The following CHL1 variants were observed in gnomAD, a reference collection of about 807,000 sequenced individuals.
CHL1 encodes the protein cell adhesion molecule L1 like, also known as neural cell adhesion molecule L1-like protein.
In CHL1, 96 loss-of-function variants were observed where a neutral mutation model predicts 141.9. That is an observed-to-expected ratio of 0.68 (90% CI 0.57 to 0.80). CHL1 has a LOEUF of 0.80. Ranked by LOEUF, CHL1 falls within the 30% of genes least tolerant of loss-of-function variation. The probability of loss-of-function intolerance (pLI) is 0.00; values close to 1 mark genes in which losing one functional copy is unlikely to be tolerated. For synonymous variants in CHL1, 613 were observed against 502.2 expected, an observed-to-expected ratio of 1.22 and a Z score of -2.95; for missense variants, 1,820 against 1,457.2, an observed-to-expected ratio of 1.25 and a Z score of -4.05.
At chr3:234,652 G>A (rs532117493) in intron 1 of CHL1, among the ~76,000 whole-genome samples, 1 of 152,110 alleles carries the variant, frequency 6.6e-6, no homozygotes, top group African/African-American at 2.4e-5. Flanking sequence ...GAGGTTGAAA[G>A]CCACTTGAGC....
chr3:328,333 G>A lies in CHL1; in HGVS notation c.364G>A (p.Glu122Lys). ...TAAACTGGGAATCGCTATGTCAGAA[G>A]AAATAGAATTTATAGTTCCAAGTAA... Reference protein sequence around the residue: ...SNKLGIAMSEEIEFIVPSVPK... With the variant: ...SNKLGIAMSEKIEFIVPSVPK... The change falls in exon 5 of 28, where the codon GAA becomes AAA. Residue 122 changes from glutamate to lysine, a missense_variant. Coordinates refer to ENST00000256509, the MANE Select transcript of CHL1 (RefSeq NM_006614.4). The A allele has an allele frequency of 6.2e-7, 1 of 1,611,088 alleles. No individual in the cohort carries two copies. Among genetic ancestry groups the A allele is most frequent in the Non-Finnish European group, 8.5e-7 (1 of 1,178,516 alleles).
intron 1 of CHL1, among the ~76,000 whole-genome samples, chr3:206,640 T>G (rs1482851631): frequency 6.6e-6 from 1 of 152,174 alleles, no homozygotes; most frequent in Non-Finnish European, 1.5e-5. Context: ...CTTGGGAGGC[T>G]GAGGTGGGAG....
intron 1 of CHL1, among the ~76,000 whole-genome samples, chr3:203,945 G>A (rs991643166): frequency 6.6e-6 from 1 of 152,202 alleles, no homozygotes; most frequent in Non-Finnish European, 1.5e-5. Flanking sequence ...TGAGTAGTGG[G>A]GAAGGGGAAA....
chr3:349,604 TA>T, intron 10 of CHL1, 61 bp downstream of exon 10: 4 of 1,367,390 alleles, frequency 2.9e-6, no homozygotes, highest in Non-Finnish European at 3.0e-6. Context: ...ATACATGTAG[TA>T]GGCCTTGCTT....
At chr3:377,795 T>G (rs773464703) in intron 15 of CHL1, 23 bp from the exon 16 acceptor site, 3 of 1,585,110 alleles carry the variant, frequency 1.9e-6, no homozygotes, top group Non-Finnish European at 2.6e-6. Flanking sequence ...CTTCTCATCA[T>G]GTACTCACTT....
At chr3:252,287 A>T (rs1428871525) in intron 2 of CHL1, among the ~76,000 whole-genome samples, 1 of 147,046 alleles carries the variant, frequency 6.8e-6, no homozygotes, top group Non-Finnish European at 1.5e-5. Context: ...AGCTATACAA[A>T]GCCTGCTTCT....
At chr3:305,595 T>C (rs1237710540) in intron 2 of CHL1, among the ~76,000 whole-genome samples, 1 of 151,862 alleles carries the variant, frequency 6.6e-6, no homozygotes, top group Non-Finnish European at 1.5e-5. Context: ...GTTTGTTCTA[T>C]AGATAACACC....
chr3:215,378 C>T (rs887566839), intron 1 of CHL1, among the ~76,000 whole-genome samples: 1 of 152,046 alleles, frequency 6.6e-6, no homozygotes, highest in African/African-American at 2.4e-5. Context: ...CACAAAAGTA[C>T]AGAGTTATTA....
intron 12 of CHL1, among the ~76,000 whole-genome samples, chr3:361,195 C>T (rs1704213061): frequency 6.6e-6 from 1 of 151,104 alleles, no homozygotes; most frequent in Non-Finnish European, 1.5e-5. Context: ...TGGATCCCTT[C>T]CTTACACCTT....
chr3:349,914 A>G (rs974155385), intron 10 of CHL1, among the ~76,000 whole-genome samples: 1 of 151,772 alleles, frequency 6.6e-6, no homozygotes, highest in Admixed American at 6.6e-5. Context: ...AAGTATTAAA[A>G]TGAGCCTGGA....
intron 2 of CHL1, among the ~76,000 whole-genome samples, chr3:281,031 G>A (rs1696601510): frequency 1.3e-5 from 2 of 151,990 alleles, no homozygotes; most frequent in African/African-American, 4.8e-5. Flanking sequence ...TTCCCCTAGG[G>A]GACATCTGAC....
chr3:331,556 T>A (rs1176824275), intron 5 of CHL1, among the ~76,000 whole-genome samples: 6 of 152,128 alleles, frequency 3.9e-5, no homozygotes, highest in African/African-American at 2.4e-5. Context: ...ATGATTTCTT[T>A]AGTCATATTA....
chr3:350,263 C>G (rs1206749405), intron 10 of CHL1, among the ~76,000 whole-genome samples: 1 of 152,064 alleles, frequency 6.6e-6, no homozygotes, highest in East Asian at 1.9e-4. Flanking sequence ...AAAGATGATA[C>G]CATTTAAATG....
chr3:387,265 C>G (rs1040891430), intron 19 of CHL1, among the ~76,000 whole-genome samples: 9 of 152,120 alleles, frequency 5.9e-5, no homozygotes, highest in African/African-American at 1.9e-4. Context: ...ATTCCTACAC[C>G]CCACGTTAAG....
chr3:258,747 C>A (rs1014504001), intron 2 of CHL1, among the ~76,000 whole-genome samples: 11 of 152,138 alleles, frequency 7.2e-5, no homozygotes, highest in African/African-American at 2.7e-4. Flanking sequence ...GGTGTTGCTT[C>A]AGTGGGACAA....
At chr3:326,178 A>G in intron 4 of CHL1, 114 bp downstream of exon 4, 1 of 579,658 alleles carries the variant, frequency 1.7e-6, no homozygotes, top group Non-Finnish European at 2.9e-6. Flanking sequence ...GATTAAAGCT[A>G]AGGGTTTACA....
At chr3:239,914 A>G (rs1209972131) in intron 1 of CHL1, among the ~76,000 whole-genome samples, 1 of 152,154 alleles carries the variant, frequency 6.6e-6, no homozygotes, top group African/African-American at 2.4e-5. Flanking sequence ...GGTGCTGTGA[A>G]TGCGGTTAAT....
chr3:308,834 CCTGCTGGAA>C (rs1361061064), intron 2 of CHL1: 1 of 163,210 alleles, frequency 6.1e-6, no homozygotes, highest in African/African-American at 2.4e-5. Context: ...AGAAGCTCGC[CCTGCTGGAA>C]CTGCTCCTCC....
At chr3:271,332 A>T (rs773287177) in intron 2 of CHL1, among the ~76,000 whole-genome samples, 5 of 152,156 alleles carry the variant, frequency 3.3e-5, no homozygotes, top group Non-Finnish European at 7.3e-5. Context: ...CCAGGTACTC[A>T]GGAGGCTGAG....
Sources: gnomAD v4.1 joint callset for allele counts (sites outside exome capture counted in the v4.1 genomes callset) on GRCh38, gnomAD v4.1.1 for gene constraint, MANE v1.5 for transcripts, NCBI Gene and HGNC (gene_info 2026-07-23, HGNC 2026-07-21) for gene names.